SLC25A48: variants seen among roughly 807,000 people sequenced by gnomAD.
SLC25A48 encodes solute carrier family 25 member 48.
SLC25A48 carries 29 observed loss-of-function variants against 32.2 expected under a neutral mutation model. The ratio of observed to expected loss-of-function variants is 0.90; its 90% confidence interval spans 0.67 to 1.23. The LOEUF (loss-of-function observed/expected upper bound fraction) is 1.23, where lower values mean the gene tolerates loss of function less well. SLC25A48 is among the 50% of genes most tolerant of loss of function. The probability of loss-of-function intolerance (pLI) is 0.00; values close to 1 mark genes in which losing one functional copy is unlikely to be tolerated. For missense variants in SLC25A48, 399 were observed against 422.7 expected, an observed-to-expected ratio of 0.94 and a Z score of 0.49; for synonymous variants, 164 against 172.3, an observed-to-expected ratio of 0.95 and a Z score of 0.38.
rs745668429 is a variant in SLC25A48, at chr5:135,879,605, A to AGTGT, written c.814-362_814-361insTGTG. Among the ~76,000 whole-genome samples, 1,257 of 135,158 alleles carry AGTGT rather than the reference A, an allele frequency of 9.3e-3. 8 individuals are homozygous for AGTGT. Among genetic ancestry groups the AGTGT allele is most frequent in the African/African-American group, 0.033 (910 of 27,816 alleles). The allele number at this position is 135,158 out of a possible 152,430, so 88.7% of individuals were successfully genotyped here. A position where few individuals can be genotyped will look rare whatever the true frequency, so the allele number is the denominator to read the frequency against. On this transcript the variant is annotated intron_variant, in intron 6 of 7. Transcript: ENST00000681962. ...CGAGGAGAGAGAGAGAGAGAGAGAG[A>AGTGT]GAGAGAGTGTGTGTGTGTGTGTGTG...
intron 4 of SLC25A48, among the ~76,000 whole-genome samples, chr5:135,861,766 T>C (rs942164000): frequency 2.0e-5 from 3 of 152,138 alleles, no homozygotes; most frequent in African/African-American, 7.2e-5. Context: ...GGATAAGGGG[T>C]GTGGCCATTT....
chr5:135,785,455 T>C (rs12656341), intron 3 of SLC25A48, among the ~76,000 whole-genome samples: 41,359 of 150,380 alleles, frequency 0.28, 5,872 homozygotes, highest in East Asian at 0.46. Context: ...GAACACCCCC[T>C]TTGCCCCATG....
chr5:135,880,994 G>A (rs1256063284), intron 7 of SLC25A48, among the ~76,000 whole-genome samples: 1 of 151,740 alleles, frequency 6.6e-6, no homozygotes, highest in East Asian at 1.9e-4. Flanking sequence ...CTCCCCAGGT[G>A]GGGCTGCTGC....
chr5:135,627,893 G>A (rs1328993303), intron 1 of SLC25A48, among the ~76,000 whole-genome samples: 1 of 152,096 alleles, frequency 6.6e-6, no homozygotes, highest in Non-Finnish European at 1.5e-5. Flanking sequence ...ACTCTTCTCA[G>A]CAAAAAGACT....
At chr5:135,765,633 T>C (rs900083409) in intron 3 of SLC25A48, among the ~76,000 whole-genome samples, 1 of 150,950 alleles carries the variant, frequency 6.6e-6, no homozygotes, top group African/African-American at 2.4e-5. Flanking sequence ...AATATCTCGG[T>C]GGGAAAAAAT....
At chr5:135,712,167 A>G (rs1235462652) in intron 3 of SLC25A48, among the ~76,000 whole-genome samples, 2 of 152,146 alleles carry the variant, frequency 1.3e-5, no homozygotes, top group African/African-American at 2.4e-5. Context: ...TTTTTGTGAA[A>G]ATTATAGGCT....
At chr5:135,705,137 C>T (rs1010684057) in intron 3 of SLC25A48, among the ~76,000 whole-genome samples, 3 of 152,232 alleles carry the variant, frequency 2.0e-5, no homozygotes, top group African/African-American at 7.2e-5. Flanking sequence ...CCCCGTCCTC[C>T]CTGCGGGCCT....
chr5:135,800,520 T>G (rs896688183), intron 3 of SLC25A48, among the ~76,000 whole-genome samples: 2 of 150,558 alleles, frequency 1.3e-5, no homozygotes, highest in African/African-American at 4.9e-5. Context: ...TCGCAGGGGG[T>G]GTACACCCCG....
chr5:135,718,375 A>G (rs1310741448), intron 3 of SLC25A48, among the ~76,000 whole-genome samples: 7 of 152,184 alleles, frequency 4.6e-5, no homozygotes, highest in Non-Finnish European at 8.8e-5. Context: ...GGACTGTGGT[A>G]AAGATGTGAC....
intron 3 of SLC25A48, among the ~76,000 whole-genome samples, chr5:135,644,351 G>T (rs774742571): frequency 2.0e-5 from 3 of 152,080 alleles, no homozygotes; most frequent in Admixed American, 6.5e-5. Context: ...GACTTTTACC[G>T]TCTGACACAG....
intron 3 of SLC25A48, among the ~76,000 whole-genome samples, chr5:135,714,129 C>T (rs956346914): frequency 1.3e-5 from 2 of 152,188 alleles, no homozygotes; most frequent in Non-Finnish European, 2.9e-5. Context: ...TCCAGCTATC[C>T]ACCTGGAGCT....
At chr5:135,849,507 A>T (rs1473014643) in intron 2 of SLC25A48, among the ~76,000 whole-genome samples, 1 of 152,170 alleles carries the variant, frequency 6.6e-6, no homozygotes, top group African/African-American at 2.4e-5. Flanking sequence ...GCCAGCTTCC[A>T]TCAGAGGCCA....
chr5:135,888,167 C>T lies in SLC25A48; in HGVS notation c.*143C>T, dbSNP rs1166419404. 4 of 1,373,328 alleles carry T rather than the reference C, an allele frequency of 2.9e-6. No individual in the cohort carries two copies. Among genetic ancestry groups the T allele is most frequent in the South Asian group, 2.6e-5 (2 of 77,804 alleles). 85.1% of individuals were successfully genotyped at this position (1,373,328 alleles called of 1,614,324 possible). ...AGCGTGGGCTAGGATGGTGCAGACA[C>T]TGACGTGGCCCTTCTGATGCCTGGG... is the stretch of plus-strand genomic sequence containing the variant. On this transcript the variant is annotated 3_prime_UTR_variant, in exon 8 of 8. Transcript: ENST00000681962.
chr5:135,637,419 C>T (rs1021483625), intron 3 of SLC25A48, among the ~76,000 whole-genome samples: 1 of 152,058 alleles, frequency 6.6e-6, no homozygotes, highest in African/African-American at 2.4e-5. Context: ...CATGAAGGAA[C>T]ACAAAAAAGA....
In SLC25A48 at chr5:135,834,821, C is replaced by T; in HGVS notation, c.-27C>T. ...ACTCTAAGTGGGCACTGCCCCGGCT[C>T]CGGGAGGGCGAGACCGAGCGCCGGC... On this transcript the variant is annotated 5_prime_UTR_variant, in exon 1 of 8. Transcript: ENST00000681962. 5.7e-6 allele frequency: 9 copies of T among 1,578,062 alleles called. No individual in the cohort carries two copies. The South Asian group carries it at 7.0e-5, about 12-fold the overall frequency.
chr5:135,645,803 A>G (rs1752944777), intron 3 of SLC25A48, among the ~76,000 whole-genome samples: 1 of 152,228 alleles, frequency 6.6e-6, no homozygotes, highest in South Asian at 2.1e-4. Context: ...CAGAGACTTT[A>G]ATCTGCTCTC....
chr5:135,870,996 G>A (rs1322919053), intron 4 of SLC25A48, among the ~76,000 whole-genome samples: 1 of 151,146 alleles, frequency 6.6e-6, no homozygotes. Flanking sequence ...AGCCAGGACA[G>A]TCTGGCTCCA....
intron 1 of SLC25A48, among the ~76,000 whole-genome samples, chr5:135,606,780 C>T (rs1751948815): frequency 6.6e-6 from 1 of 152,178 alleles, no homozygotes; most frequent in Admixed American, 6.5e-5. Flanking sequence ...TATCTGTGGC[C>T]TCTGAACAAA....
intron 7 of SLC25A48, among the ~76,000 whole-genome samples, chr5:135,886,630 TATATATAA>T (rs1190357629): frequency 4.8e-5 from 1 of 20,832 alleles, no homozygotes; most frequent in East Asian, 1.0e-3. Flanking sequence ...TATATATATA[TATATATAA>T]AATATATATA....
Sources: gnomAD v4.1 joint callset for allele counts (sites outside exome capture counted in the v4.1 genomes callset) on GRCh38, gnomAD v4.1.1 for gene constraint, MANE v1.5 for transcripts, NCBI Gene and HGNC (gene_info 2026-07-23, HGNC 2026-07-21) for gene names.